The following ALK variants were observed in gnomAD, a reference collection of about 807,000 sequenced individuals.
The protein encoded by ALK is ALK tyrosine kinase receptor.
Under a neutral mutation model 163.1 loss-of-function variants are expected in ALK, and 74 were observed. The ratio of observed to expected loss-of-function variants is 0.45; its 90% CI spans 0.38 to 0.55. The LOEUF is 0.55. Ranked by LOEUF, ALK falls within the 20% of genes least tolerant of loss-of-function variation. ALK has a pLI of 0.00. For missense variants in ALK, 2,063 were observed against 2,105.3 expected, an observed-to-expected ratio of 0.98 and a Z score of 0.39; for synonymous variants, 960 against 843.2, an observed-to-expected ratio of 1.14 and a Z score of -2.40.
At chr2:29,487,196 C>T (rs953697837) in intron 4 of ALK, among the ~76,000 whole-genome samples, 1 of 152,078 alleles carries the variant, frequency 6.6e-6, no homozygotes, top group African/African-American at 2.4e-5. Flanking sequence ...TAAGAATTGC[C>T]AGTTTGGGAG....
In ALK at chr2:29,555,555, C is replaced by A. The variant is rs1480976530; in HGVS notation, c.953-23439G>T. 7.2e-5 allele frequency among the ~76,000 whole-genome samples: 11 copies of A among 152,266 alleles called. No individual in the cohort carries two copies. In the East Asian group the frequency reaches 1.9e-3, roughly 27 times the overall value. Reference sequence around the variant, plus strand: ...TTGATGTCTGTTCTCTCCACCCCTGCCCTCCACCTTTCTCTCCTTCCCCTT... The same window carrying A: ...TTGATGTCTGTTCTCTCCACCCCTGACCTCCACCTTTCTCTCCTTCCCCTT... On this transcript the variant is annotated intron_variant, in intron 3 of 28. Coordinates refer to ENST00000389048, the MANE Select transcript of ALK (RefSeq NM_004304.5).
chr2:29,240,353 C>A (rs1020681520), intron 12 of ALK, among the ~76,000 whole-genome samples: 1 of 152,092 alleles, frequency 6.6e-6, no homozygotes, highest in African/African-American at 2.4e-5. Flanking sequence ...TGCCTCCTAG[C>A]CTACATGTGC....
chr2:29,626,637 G>A (rs1479205364), intron 3 of ALK, among the ~76,000 whole-genome samples: 1 of 152,100 alleles, frequency 6.6e-6, no homozygotes, highest in African/African-American at 2.4e-5. Context: ...GATCAGAACT[G>A]GCACTCTCCC....
intron 18 of ALK, 53 bp downstream of exon 18, chr2:29,226,869 G>C (rs2148178128): frequency 6.2e-7 from 1 of 1,609,734 alleles, no homozygotes; most frequent in East Asian, 2.2e-5. Flanking sequence ...TGTGGTCATG[G>C]GCCAAATCTC....
chr2:29,344,004 C>T (rs892890175), intron 5 of ALK, among the ~76,000 whole-genome samples: 1 of 152,122 alleles, frequency 6.6e-6, no homozygotes, highest in South Asian at 2.1e-4. Flanking sequence ...TGGGAAAAAT[C>T]TCTGAGGACA....
intron 13 of ALK, among the ~76,000 whole-genome samples, chr2:29,235,465 G>T (rs1291791183): frequency 6.6e-6 from 1 of 152,078 alleles, no homozygotes; most frequent in Non-Finnish European, 1.5e-5. Context: ...TCTTAGAGTG[G>T]ATCTAGTGTG....
chr2:29,394,595 C>T (rs1194460895), intron 4 of ALK, among the ~76,000 whole-genome samples: 3 of 152,124 alleles, frequency 2.0e-5, no homozygotes, highest in Non-Finnish European at 4.4e-5. Context: ...GAGAAGAGAC[C>T]ACAGGAGGGG....
intron 4 of ALK, among the ~76,000 whole-genome samples, chr2:29,529,092 C>T (rs1056613145): frequency 3.9e-5 from 6 of 152,234 alleles, no homozygotes; most frequent in Admixed American, 2.0e-4. Flanking sequence ...TTTCCCCTGC[C>T]TTCTGCCTCC....
intron 1 of ALK, among the ~76,000 whole-genome samples, chr2:29,802,282 A>G (rs1664485508): frequency 7.2e-6 from 1 of 139,650 alleles, no homozygotes; most frequent in Non-Finnish European, 1.5e-5. Context: ...GAAAGAGGAG[A>G]GTAGAGCAGA....
At chr2:29,555,946 T>TA (rs1475317344) in intron 3 of ALK, among the ~76,000 whole-genome samples, 1 of 152,224 alleles carries the variant, frequency 6.6e-6, no homozygotes, top group Admixed American at 6.5e-5. Context: ...TTCAGACTGT[T>TA]AAAAGTATAA....
intron 25 of ALK, among the ~76,000 whole-genome samples, chr2:29,208,935 A>AT (rs1280655384): frequency 6.6e-6 from 1 of 152,170 alleles, no homozygotes; most frequent in Non-Finnish European, 1.5e-5. Context: ...AATTTTTAAA[A>AT]TGTAGTCTTG....
chr2:29,209,007 C>T (rs183220513), intron 25 of ALK, among the ~76,000 whole-genome samples: 2 of 152,296 alleles, frequency 1.3e-5, no homozygotes, highest in Non-Finnish European at 2.9e-5. Context: ...CTGCGCTATA[C>T]TCCACATCTC....
rs571973560 is a variant in ALK, at chr2:29,489,154, T to C, written c.1154+42761A>G. Among the ~76,000 whole-genome samples, 23 of 152,340 alleles carry C rather than the reference T, an allele frequency of 1.5e-4. No individual in the cohort carries two copies. In the South Asian group the frequency reaches 4.8e-3, roughly 32 times the overall value. On this transcript the variant is annotated intron_variant, in intron 4 of 28. Transcript: ENST00000389048. ...TATGTTTACGTCTCATATTAGCCTA[T>C]GCATTTCTTAAAACAAGGTCTGTAT...
chr2:29,720,018 T>C (rs1679377431), intron 1 of ALK, among the ~76,000 whole-genome samples: 1 of 152,122 alleles, frequency 6.6e-6, no homozygotes. Flanking sequence ...TAAGCCTAGG[T>C]TATACTTTCC....
intron 13 of ALK, among the ~76,000 whole-genome samples, chr2:29,236,857 A>G (rs1040541964): frequency 2.6e-5 from 4 of 152,060 alleles, no homozygotes; most frequent in Middle Eastern, 3.2e-3. Flanking sequence ...AATTTCTCCA[A>G]TATTTATATC....
intron 4 of ALK, among the ~76,000 whole-genome samples, chr2:29,497,269 T>A (rs1317295631): frequency 1.6e-5 from 2 of 125,884 alleles, no homozygotes; most frequent in Non-Finnish European, 1.8e-5. Context: ...TGAAACTCCA[T>A]CTCAAAAAAG....
chr2:29,914,154 A>G (rs1159141001), intron 1 of ALK, among the ~76,000 whole-genome samples: 6 of 152,236 alleles, frequency 3.9e-5, no homozygotes, highest in African/African-American at 1.4e-4. Flanking sequence ...GGCTTACGAG[A>G]GGACATTAAT....
At chr2:29,371,004 AGAAGC>A (rs2148292964) in intron 5 of ALK, among the ~76,000 whole-genome samples, 1 of 152,396 alleles carries the variant, frequency 6.6e-6, no homozygotes, top group South Asian at 2.1e-4. Flanking sequence ...AGCTAAAGGA[AGAAGC>A]AGAAGCAGCA....
chr2:29,465,150 GTGA>G (rs777375095), intron 4 of ALK, among the ~76,000 whole-genome samples: 17 of 152,038 alleles, frequency 1.1e-4, no homozygotes, highest in Non-Finnish European at 2.2e-4. Flanking sequence ...CTTAATATGA[GTGA>G]TAAGAAGAAA....
Sources: gnomAD v4.1 joint callset for allele counts (sites outside exome capture counted in the v4.1 genomes callset) on GRCh38, gnomAD v4.1.1 for gene constraint, MANE v1.5 for transcripts, NCBI Gene and HGNC (gene_info 2026-07-23, HGNC 2026-07-21) for gene names.